TPM3: variants seen among roughly 807,000 people sequenced by gnomAD.
TPM3 encodes tropomyosin alpha-3 chain.
In TPM3, 16 loss-of-function variants were observed where a neutral mutation model predicts 43.1. That is an observed-to-expected ratio of 0.37 (90% CI 0.25 to 0.56). The LOEUF is 0.56. Ranked by LOEUF, TPM3 falls within the 20% of genes least tolerant of loss-of-function variation. The pLI, the probability that TPM3 is intolerant of heterozygous loss-of-function variation, is 0.77. For synonymous variants in TPM3, 101 were observed against 116.9 expected, an observed-to-expected ratio of 0.86 and a Z score of 0.88; for missense variants, 176 against 337.2, an observed-to-expected ratio of 0.52 and a Z score of 3.74.
chr1:154,172,264 C>T (rs749703856), intron 5 of TPM3: 37 of 787,836 alleles, frequency 4.7e-5, no homozygotes, highest in Non-Finnish European at 7.8e-5. Context: ...GTCTGGCAGA[C>T]GGGAATGTAA....
intron 2 of TPM3, chr1:154,182,935 T>A: frequency 6.2e-7 from 1 of 1,608,742 alleles, no homozygotes; most frequent in Non-Finnish European, 8.5e-7. Context: ...TTATTCCGCT[T>A]GCCGGATACT....
At position 154,166,700 on chromosome 1, in the gene TPM3, T is replaced by G. The variant is rs1661017359; in HGVS notation, c.*1237A>C. On this transcript the variant is annotated 3_prime_UTR_variant, in exon 10 of 10. Coordinates refer to ENST00000651641, the MANE Select transcript of TPM3 (RefSeq NM_152263.4). ...TGGAATGCGAATTCCTTTTTTTTTT[T>G]TGAGATGGAGTCTCTCTGTTGCCCA... 1.0e-6 allele frequency: 1 copy of G among 984,472 alleles called. No homozygotes were observed. The highest frequency in any genetic ancestry group is 6.2e-5 in the Admixed American group (1 of 16,210). The allele number at this position is 984,472 out of a possible 1,614,324, so 61.0% of individuals were successfully genotyped here. A position where few individuals can be genotyped will look rare whatever the true frequency, so the allele number is the denominator to read the frequency against.
chr1:154,190,881 A>G (rs1002708816), intron 2 of TPM3, among the ~76,000 whole-genome samples: 3 of 152,150 alleles, frequency 2.0e-5, no homozygotes, highest in Non-Finnish European at 4.4e-5. Context: ...AGCATTCTGA[A>G]CTTAGAGTCC....
In TPM3 at chr1:154,162,031, G is replaced by A. The variant is rs973464006; in HGVS notation, c.*5906C>T. Among the ~76,000 whole-genome samples the A allele has an allele frequency of 6.6e-6, 1 of 152,130 alleles. No individual in the cohort carries two copies. The highest frequency in any genetic ancestry group is 1.5e-5 in the Non-Finnish European group (1 of 68,036). ...ACAAAACAAACGAAAAGGCAAGGCAGAGAACCTATTTGGTCTAGCGTTCTT... is the reference window on the plus strand; with the variant it reads ...ACAAAACAAACGAAAAGGCAAGGCAAAGAACCTATTTGGTCTAGCGTTCTT... On this transcript the variant is annotated 3_prime_UTR_variant, in exon 10 of 10. Coordinates refer to ENST00000651641, the MANE Select transcript of TPM3 (RefSeq NM_152263.4).
intron 3 of TPM3, among the ~76,000 whole-genome samples, chr1:154,174,991 A>C (rs1662130478): frequency 6.6e-6 from 1 of 152,018 alleles, no homozygotes; most frequent in Admixed American, 6.6e-5. Context: ...CATGAGTTAT[A>C]ATTTGTTTCA....
intron 6 of TPM3, 63 bp downstream of exon 6, chr1:154,171,350 T>G (rs1184654311): frequency 4.5e-6 from 7 of 1,571,286 alleles, no homozygotes; most frequent in Non-Finnish European, 6.1e-6. Context: ...TCTCCAGTCT[T>G]TCATCAAGGG....
chr1:154,184,651 A>C (rs1185914416), intron 2 of TPM3, among the ~76,000 whole-genome samples: 1 of 152,220 alleles, frequency 6.6e-6, no homozygotes, highest in African/African-American at 2.4e-5. Flanking sequence ...GGGGTGACTC[A>C]TGCCTGTGAT....
At chr1:154,178,311 C>A in intron 2 of TPM3, 1 of 423,260 alleles carries the variant, frequency 2.4e-6, no homozygotes, top group Middle Eastern at 1.2e-3. Context: ...CTTAGCAAGG[C>A]TGAAAAGGGA....
chr1:154,171,626 G>C, intron 5 of TPM3, 138 bp from the exon 6 acceptor site: 1 of 934,712 alleles, frequency 1.1e-6, no homozygotes, highest in South Asian at 1.4e-5. Flanking sequence ...ATGTTCCCAA[G>C]TAACCTGAGC....
chr1:154,163,165 A>T lies in TPM3; in HGVS notation c.*4772T>A, dbSNP rs537792367. 2.5e-4 allele frequency among the ~76,000 whole-genome samples: 38 copies of T among 152,264 alleles called. No individual in the cohort carries two copies. The highest frequency in any genetic ancestry group is 7.0e-4 in the African/African-American group (29 of 41,534). On this transcript the variant is annotated 3_prime_UTR_variant, in exon 10 of 10. Coordinates refer to ENST00000651641, the MANE Select transcript of TPM3 (RefSeq NM_152263.4). ...ATGTCAAAGCCAACTTCTGCCCAGGATCTGAATATTTAGAAATGCATTGTC... is the reference window on the plus strand; with the variant it reads ...ATGTCAAAGCCAACTTCTGCCCAGGTTCTGAATATTTAGAAATGCATTGTC...
At chr1:154,156,263 T>C (rs1374617358), downstream of TPM3, 1 of 180,538 alleles carries the variant, frequency 5.5e-6, no homozygotes, top group Non-Finnish European at 1.2e-5. Context: ...TAAATCCTGT[T>C]GCTACCACCC....
At chr1:154,189,622 C>T (rs532094782) in intron 2 of TPM3, among the ~76,000 whole-genome samples, 104 of 151,944 alleles carry the variant, frequency 6.8e-4, no homozygotes, top group Non-Finnish European at 1.1e-3. Flanking sequence ...GATGAAACCC[C>T]GTCTCTAGTA....
At position 154,167,411 on chromosome 1, in the gene TPM3, CA is replaced by C. The variant is rs1416765233; in HGVS notation, c.*525del. On this transcript the variant is annotated 3_prime_UTR_variant, in exon 10 of 10. Transcript: ENST00000651641. ...AGTCACTTCAATGGCTTCTCAATGACACCACACCAAAGGAGGAATACCTGAA... is the reference window on the plus strand; with the variant it reads ...AGTCACTTCAATGGCTTCTCAATGACCCACACCAAAGGAGGAATACCTGAA... 20 of 1,066,396 alleles carry C rather than the reference CA, an allele frequency of 1.9e-5. No homozygotes were observed. The highest frequency in any genetic ancestry group is 2.3e-5 in the Non-Finnish European group (20 of 879,400). The allele number at this position is 1,066,396 out of a possible 1,614,324, so 66.1% of individuals were successfully genotyped here.
intron 7 of TPM3, 76 bp downstream of exon 7, chr1:154,170,573 C>G: frequency 6.3e-7 from 1 of 1,594,502 alleles, no homozygotes; most frequent in Non-Finnish European, 8.6e-7. Flanking sequence ...CCCAAACCAG[C>G]CAGTTTAAAT....
chr1:154,157,906 T>G (rs371115930), downstream of TPM3, among the ~76,000 whole-genome samples: 1 of 152,178 alleles, frequency 6.6e-6, no homozygotes, highest in Non-Finnish European at 1.5e-5. Context: ...ACTGAAGTTG[T>G]AGGTGTTGCT....
At chr1:154,172,129 G>T (rs1661643408) in intron 5 of TPM3, 1 of 1,612,790 alleles carries the variant, frequency 6.2e-7, no homozygotes, top group Non-Finnish European at 8.5e-7. Flanking sequence ...CACGGGGATG[G>T]CACAAGCCAG....
chr1:154,180,330 G>A (rs368528321), intron 2 of TPM3, among the ~76,000 whole-genome samples: 1 of 152,148 alleles, frequency 6.6e-6, no homozygotes, highest in Non-Finnish European at 1.5e-5. Flanking sequence ...CCGCTCCAGA[G>A]GAGGGAGGAG....
chr1:154,174,407 T>TATATATATATATACATAC (rs1261318136), intron 3 of TPM3, among the ~76,000 whole-genome samples: 3 of 72,678 alleles, frequency 4.1e-5, no homozygotes, highest in South Asian at 5.6e-4. Flanking sequence ...TATATATATA[T>TATATATATATATACATAC]ACACACAAAA....
chr1:154,176,081 TA>T (rs1201522606), intron 3 of TPM3, 33 bp downstream of exon 3: 1 of 1,612,252 alleles, frequency 6.2e-7, no homozygotes, highest in Non-Finnish European at 8.5e-7. Flanking sequence ...TATGAACTTT[TA>T]AAATCCACAC....
Sources: gnomAD v4.1 joint callset for allele counts (sites outside exome capture counted in the v4.1 genomes callset) on GRCh38, gnomAD v4.1.1 for gene constraint, MANE v1.5 for transcripts, NCBI Gene and HGNC (gene_info 2026-07-23, HGNC 2026-07-21) for gene names.